The following GRIA3 variants were observed in gnomAD, a reference collection of about 807,000 sequenced individuals.
The protein encoded by GRIA3 is glutamate ionotropic receptor AMPA type subunit 3.
Under a neutral mutation model 63.0 loss-of-function variants are expected in GRIA3, and 3 were observed. The ratio of observed to expected loss-of-function variants is 0.05; its 90% CI spans 0.02 to 0.12. GRIA3 has a LOEUF of 0.12. GRIA3 is among the 10% of genes least tolerant of loss of function. GRIA3 has a pLI of 1.00. For missense variants in GRIA3, 347 were observed against 700.9 expected (o/e 0.50, Z 5.70); for synonymous variants, 274 against 257.9 (o/e 1.06, Z -0.60).
At chrX:123,225,642 C>T (rs1407255046) in intron 2 of GRIA3, among the ~76,000 whole-genome samples, 2 of 70,165 alleles carry the variant, frequency 2.9e-5, no homozygotes, top group Non-Finnish European at 5.4e-5. Context: ...AATCCAAAGA[C>T]TTTTTTTCTA....
At chrX:123,209,779 A>C (rs1293999179) in intron 2 of GRIA3, among the ~76,000 whole-genome samples, 3 of 111,300 alleles carry the variant, frequency 2.7e-5, no homozygotes, top group Non-Finnish European at 5.7e-5. Flanking sequence ...TGGGAGAAAA[A>C]GGTTAACAAA....
intron 11 of GRIA3, among the ~76,000 whole-genome samples, chrX:123,419,626 T>A (rs1490458363): frequency 2.7e-5 from 3 of 110,889 alleles, no homozygotes; most frequent in African/African-American, 9.8e-5. Flanking sequence ...GTGAGGCAAG[T>A]GAGCCTGAGT....
chrX:123,357,330 T>A (rs761442632), intron 5 of GRIA3, among the ~76,000 whole-genome samples: 2 of 110,201 alleles, frequency 1.8e-5, no homozygotes, highest in East Asian at 5.7e-4. Context: ...TGCATAAGAA[T>A]GGCTATCTCA....
intron 2 of GRIA3, among the ~76,000 whole-genome samples, chrX:123,188,527 A>G (rs1265949246): frequency 9.0e-6 from 1 of 110,688 alleles, no homozygotes; most frequent in Non-Finnish European, 1.9e-5. Context: ...CACTCCTCCA[A>G]ATGATTGCCC....
chrX:123,391,971 C>G (rs2045389084), intron 5 of GRIA3, among the ~76,000 whole-genome samples: 1 of 111,738 alleles, frequency 8.9e-6, no homozygotes, highest in Non-Finnish European at 1.9e-5. Context: ...TACTCAGGCA[C>G]TGGGAATTGA....
intron 2 of GRIA3, among the ~76,000 whole-genome samples, chrX:123,237,234 G>A (rs1454156905): frequency 3.6e-5 from 4 of 112,070 alleles, no homozygotes; most frequent in African/African-American, 1.3e-4. Flanking sequence ...GTCTAGGGCA[G>A]AAAATTCCTA....
chrX:123,391,840 G>A (rs771168835), intron 5 of GRIA3, among the ~76,000 whole-genome samples: 6 of 112,498 alleles, frequency 5.3e-5, no homozygotes, highest in Non-Finnish European at 7.5e-5. Context: ...GCACATGCAG[G>A]TGAGTCCCAG....
rs374551168 is a variant in GRIA3 at position 123,260,291 on chromosome X, G to T, written c.508+6749G>T. ...TTTCTGGTTGGAGGAGCCTATTCTGGTTCAGGATAGGCCACTATCATGAAC... is the reference window on the plus strand; with the variant it reads ...TTTCTGGTTGGAGGAGCCTATTCTGTTTCAGGATAGGCCACTATCATGAAC... On this transcript the variant is annotated intron_variant, in intron 3 of 15. Transcript: ENST00000620443. Among the ~76,000 whole-genome samples the T allele has an allele frequency of 4.3e-4, 44 of 102,079 alleles. 2 individuals carry two copies. In the East Asian group the frequency reaches 9.9e-3, roughly 23 times the overall value. The allele number at this position is 102,079 out of a possible 115,157, so 88.6% of individuals were successfully genotyped here. A position where few individuals can be genotyped will look rare whatever the true frequency, so the allele number is the denominator to read the frequency against.
intron 3 of GRIA3, among the ~76,000 whole-genome samples, chrX:123,322,520 G>C (rs145457829): frequency 9.1e-4 from 101 of 111,564 alleles, no homozygotes; most frequent in African/African-American, 3.2e-3. Context: ...GCTCCTACAA[G>C]CACCAATGCC....
Position 123,295,676 on chromosome X carries a change from G to A in GRIA3, c.509-30350G>A, listed in dbSNP as rs1214789243. On this transcript the variant is annotated intron_variant, in intron 3 of 15. Transcript: ENST00000620443. ...TAGCAGCTAGCTGACTCAGAATTGG[G>A]ATCTATAAAAAAGGAAATGAATAAA... 4.5e-5 allele frequency among the ~76,000 whole-genome samples: 5 copies of A among 111,169 alleles called. No homozygotes were observed. The East Asian group carries it at 8.5e-4, about 19-fold the overall frequency.
rs199892354 is a variant in GRIA3 at position 123,431,947 on chromosome X, CT to C, written c.2076+3818del. Among the ~76,000 whole-genome samples, 41 of 107,688 alleles carry C rather than the reference CT, an allele frequency of 3.8e-4. No homozygotes were observed. In the East Asian group the frequency reaches 9.8e-3, roughly 26 times the overall value. 93.5% of individuals were successfully genotyped at this position (107,688 alleles called of 115,157 possible). A position where few individuals can be genotyped will look rare whatever the true frequency, so the allele number is the denominator to read the frequency against. Reference sequence around the variant, plus strand: ...TAAAACTCAAATAAGTATAGATTTACTTTTTTTTTTACTTCATAGTATTTAA... The same window carrying C: ...TAAAACTCAAATAAGTATAGATTTACTTTTTTTTTACTTCATAGTATTTAA... On this transcript the variant is annotated intron_variant, in intron 12 of 15. Transcript: ENST00000620443.
chrX:123,302,916 TAC>T (rs1470905571), intron 3 of GRIA3, among the ~76,000 whole-genome samples: 1 of 111,146 alleles, frequency 9.0e-6, no homozygotes, highest in Non-Finnish European at 1.9e-5. Context: ...TGTTTAATAT[TAC>T]ACACTCACAA....
At chrX:123,417,952 T>C in intron 11 of GRIA3, 174 bp downstream of exon 11, 2 of 501,445 alleles carry the variant, frequency 4.0e-6, no homozygotes, top group East Asian at 3.6e-5. Context: ...GAGTGTGTCA[T>C]TGGTGTTGCT....
At chrX:123,238,927 G>C in intron 2 of GRIA3, among the ~76,000 whole-genome samples, 1 of 109,937 alleles carries the variant, frequency 9.1e-6, no homozygotes, top group South Asian at 3.9e-4. Flanking sequence ...TCCCTAGCAG[G>C]AGGTCATATG....
chrX:123,292,192 G>C (rs2044660029), intron 3 of GRIA3, among the ~76,000 whole-genome samples: 1 of 111,625 alleles, frequency 9.0e-6, no homozygotes, highest in Admixed American at 9.5e-5. Context: ...CACAAAGAAA[G>C]GTCTTTGAAT....
At chrX:123,405,538 C>T (rs964652565) in intron 10 of GRIA3, among the ~76,000 whole-genome samples, 1 of 111,627 alleles carries the variant, frequency 9.0e-6, no homozygotes, top group Non-Finnish European at 1.9e-5. Context: ...ATCTAGCACC[C>T]GCCTACCTCT....
intron 13 of GRIA3, among the ~76,000 whole-genome samples, chrX:123,469,618 G>A (rs2045851955): frequency 9.0e-6 from 1 of 111,699 alleles, no homozygotes; most frequent in African/African-American, 3.3e-5. Flanking sequence ...CTGTGCTTTG[G>A]GAATTTTTAA....
chrX:123,326,992 C>T (rs2044910016), intron 4 of GRIA3, among the ~76,000 whole-genome samples: 1 of 107,903 alleles, frequency 9.3e-6, no homozygotes, highest in Admixed American at 9.9e-5. Flanking sequence ...TATGTGAAAC[C>T]CCATCTCTGT....
At chrX:123,361,949 G>A (rs1179248318) in intron 5 of GRIA3, among the ~76,000 whole-genome samples, 1 of 111,550 alleles carries the variant, frequency 9.0e-6, no homozygotes, top group Non-Finnish European at 1.9e-5. Flanking sequence ...TAAAATATAA[G>A]TTCAGTATTT....
Sources: gnomAD v4.1 joint callset for allele counts (sites outside exome capture counted in the v4.1 genomes callset) on GRCh38, gnomAD v4.1.1 for gene constraint, MANE v1.5 for transcripts, NCBI Gene and HGNC (gene_info 2026-07-23, HGNC 2026-07-21) for gene names.